MYOM1: variants seen among roughly 807,000 people sequenced by gnomAD.
MYOM1 encodes myomesin 1, also known as myomesin-1.
In MYOM1, 164 loss-of-function variants were observed where a neutral mutation model predicts 205.3. That is an observed-to-expected ratio of 0.80 (90% CI 0.70 to 0.91). The LOEUF is 0.91. Among genes scored for constraint, MYOM1 ranks in the 40% least tolerant of loss-of-function variants. The pLI, the probability that MYOM1 is intolerant of heterozygous loss-of-function variation, is 0.00. For missense variants in MYOM1, 2,011 were observed against 2,127.3 expected (o/e 0.95, Z 1.08); for synonymous variants, 772 against 789.4 (o/e 0.98, Z 0.37).
chr18:3,099,544 C>G (rs573951982), intron 25 of MYOM1, among the ~76,000 whole-genome samples: 1 of 152,224 alleles, frequency 6.6e-6, no homozygotes, highest in African/African-American at 2.4e-5. Context: ...GAGATCCCCC[C>G]ATCTGGCCAG....
At chr18:3,116,576 T>G in intron 20 of MYOM1, 61 bp from the exon 21 acceptor site, 1 of 1,414,444 alleles carries the variant, frequency 7.1e-7, no homozygotes, top group Non-Finnish European at 9.5e-7. Flanking sequence ...CTCCACACGT[T>G]TAGAACCACT....
intron 3 of MYOM1, among the ~76,000 whole-genome samples, chr18:3,193,361 T>TACATATATATATATATACACACAC (rs1598758731): frequency 7.4e-6 from 1 of 135,878 alleles, no homozygotes; most frequent in African/African-American, 3.0e-5. Context: ...TATATATATA[T>TACATATATATATATATACACACAC]ACACACACAC....
At position 3,188,760 on chromosome 18, in the gene MYOM1, G is replaced by T; in HGVS notation, c.759C>A (p.Ser253=). ...VVIREKAERL[S]LRKTLEETET... is the part of the protein sequence containing the mutation. ...TGTCTTTTCTTACTGTTTTCCTCAG[G>T]GACAGGCGTTCTGCCTTTTCTCGAA... The change falls in exon 4 of 38, where the codon TCC becomes TCA. Residue 253 remains serine, a synonymous_variant. Coordinates refer to ENST00000356443, the MANE Select transcript of MYOM1 (RefSeq NM_003803.4). 4 of 1,586,676 alleles carry T rather than the reference G, an allele frequency of 2.5e-6. No homozygotes were observed. Among genetic ancestry groups the T allele is most frequent in the Non-Finnish European group, 3.4e-6 (4 of 1,164,992 alleles).
chr18:3,231,494 C>T, the MYOM1 span, among the ~76,000 whole-genome samples: 3 of 149,058 alleles, frequency 2.0e-5, no homozygotes, highest in Non-Finnish European at 4.5e-5. Context: ...CCTCTGTTTT[C>T]AGCAGTAATC....
the MYOM1 span, among the ~76,000 whole-genome samples, chr18:3,243,198 T>C: frequency 3.3e-5 from 5 of 152,360 alleles, no homozygotes; most frequent in South Asian, 1.0e-3. Context: ...ATGTAAACGC[T>C]TATTCATTTA....
chr18:3,192,748 A>C (rs2080928877), intron 3 of MYOM1, among the ~76,000 whole-genome samples: 1 of 152,228 alleles, frequency 6.6e-6, no homozygotes, highest in African/African-American at 2.4e-5. Flanking sequence ...TACTGCTCAA[A>C]AATAATGTTT....
intron 2 of MYOM1, among the ~76,000 whole-genome samples, chr18:3,205,686 A>G (rs1024234547): frequency 5.3e-5 from 8 of 152,210 alleles, no homozygotes; most frequent in African/African-American, 1.9e-4. Flanking sequence ...ATGTAAACTT[A>G]GCATACAACC....
intron 34 of MYOM1, among the ~76,000 whole-genome samples, chr18:3,076,032 T>C (rs1324611516): frequency 2.0e-5 from 3 of 152,172 alleles, no homozygotes; most frequent in Non-Finnish European, 1.5e-5. Flanking sequence ...AGGCAAAGAT[T>C]AACTCCAACA....
intron 5 of MYOM1, among the ~76,000 whole-genome samples, chr18:3,184,515 C>T (rs889075976): frequency 6.6e-6 from 1 of 152,216 alleles, no homozygotes; most frequent in East Asian, 1.9e-4. Flanking sequence ...CAGGGCAACT[C>T]TTGCTCTCAG....
intron 12 of MYOM1, among the ~76,000 whole-genome samples, 188 bp downstream of exon 12, chr18:3,151,506 A>G (rs985856019): frequency 6.7e-6 from 1 of 149,700 alleles, no homozygotes; most frequent in African/African-American, 2.5e-5. Context: ...ATAAAATAAA[A>G]CCCTTAAGAG....
intron 10 of MYOM1, among the ~76,000 whole-genome samples, chr18:3,158,589 A>G (rs1175685571): frequency 6.6e-6 from 1 of 152,164 alleles, no homozygotes; most frequent in Non-Finnish European, 1.5e-5. Flanking sequence ...ATATGATAGG[A>G]AAAACAATCT....
At position 3,214,969 on chromosome 18, in the gene MYOM1, C is replaced by T. The variant is rs1255664529; in HGVS notation, c.255G>A (p.Lys85=). The T allele has an allele frequency of 6.2e-7, 1 of 1,608,790 alleles. No individual in the cohort carries two copies. Among genetic ancestry groups the T allele is most frequent in the Non-Finnish European group, 8.5e-7 (1 of 1,176,712 alleles). The change falls in exon 2 of 38, where the codon AAG becomes AAA. Residue 85 remains lysine, a synonymous_variant. Transcript: ENST00000356443. ...QHALSSEVSR[K]AASAYDYGSS... Reference sequence around the variant, plus strand: ...AGCCATAATCGTAGGCTGAGGCTGCCTTCCGACTGACTTCAGAGCTCAGGG... The same window carrying T: ...AGCCATAATCGTAGGCTGAGGCTGCTTTCCGACTGACTTCAGAGCTCAGGG...
intron 2 of MYOM1, among the ~76,000 whole-genome samples, chr18:3,197,138 T>C (rs1030680895): frequency 1.0e-4 from 8 of 77,838 alleles, no homozygotes; most frequent in African/African-American, 4.7e-4. Flanking sequence ...CCAACTTCCT[T>C]TTTTTTTTTT....
chr18:3,181,367 A>C (rs1245141799), intron 5 of MYOM1, among the ~76,000 whole-genome samples: 18 of 152,224 alleles, frequency 1.2e-4, no homozygotes, highest in Admixed American at 1.2e-3. Flanking sequence ...CCATTGGGAT[A>C]GATTTTGGAA....
chr18:3,194,093 T>C, intron 2 of MYOM1, 135 bp from the exon 3 acceptor site: 2 of 893,938 alleles, frequency 2.2e-6, no homozygotes, highest in East Asian at 2.7e-5. Context: ...ATCTCTTATC[T>C]TTAGAATTAA....
chr18:3,197,594 C>T (rs977504255), intron 2 of MYOM1, among the ~76,000 whole-genome samples: 7 of 151,878 alleles, frequency 4.6e-5, no homozygotes, highest in Admixed American at 4.6e-4. Context: ...AGTGTTAAGG[C>T]TGGGCGCGGT....
chr18:3,108,053 A>C (rs998420899), intron 22 of MYOM1, among the ~76,000 whole-genome samples: 1 of 151,810 alleles, frequency 6.6e-6, no homozygotes, highest in South Asian at 2.1e-4. Flanking sequence ...CCCCACCCAG[A>C]CTCCTGACTT....
At position 3,187,469 on chromosome 18, in the gene MYOM1, A is replaced by G. The variant is rs1375371181; in HGVS notation, c.929+11T>C. ...TAATGAATTCTGTTAGCTTTCATAA[A>G]GATAACATACCACGTGACACGAGGT... On this transcript the variant is annotated intron_variant, in intron 5 of 37. Coordinates refer to ENST00000356443, the MANE Select transcript of MYOM1 (RefSeq NM_003803.4). The G allele has an allele frequency of 3.7e-6, 6 of 1,609,214 alleles. No homozygotes were observed. Among genetic ancestry groups the G allele is most frequent in the Non-Finnish European group, 5.1e-6 (6 of 1,176,320 alleles).
intron 8 of MYOM1, among the ~76,000 whole-genome samples, chr18:3,170,673 C>T (rs959293922): frequency 1.3e-5 from 2 of 152,092 alleles, no homozygotes; most frequent in Non-Finnish European, 2.9e-5. Flanking sequence ...GGGAAAGAAA[C>T]GACTGTTTAT....
Sources: gnomAD v4.1 joint callset for allele counts (sites outside exome capture counted in the v4.1 genomes callset) on GRCh38, gnomAD v4.1.1 for gene constraint, MANE v1.5 for transcripts, NCBI Gene and HGNC (gene_info 2026-07-23, HGNC 2026-07-21) for gene names.